The following CYB5R3 variants were observed in gnomAD, a reference collection of about 807,000 sequenced individuals.
The protein encoded by CYB5R3 is NADH-cytochrome b5 reductase 3.
In CYB5R3, 28 loss-of-function variants were observed where a neutral mutation model predicts 36.5. That is an observed-to-expected ratio of 0.77 (90% CI 0.57 to 1.05). CYB5R3 has a LOEUF of 1.05. CYB5R3 is among the 50% of genes least tolerant of loss of function. The pLI, the probability that CYB5R3 is intolerant of heterozygous loss-of-function variation, is 0.00. For synonymous variants in CYB5R3, 181 were observed against 159.8 expected (o/e 1.13, Z -1.00); for missense variants, 474 against 408.9 (o/e 1.16, Z -1.37).
At chr22:42,649,223 A>G in intron 1 of CYB5R3, 72 bp downstream of exon 1, 1 of 650,784 alleles carries the variant, frequency 1.5e-6, no homozygotes, top group Non-Finnish European at 2.0e-6. Context: ...CCCGCAGGCC[A>G]GCCCGCCCCC....
intron 1 of CYB5R3, among the ~76,000 whole-genome samples, chr22:42,638,819 G>A (rs1462068831): frequency 6.6e-6 from 1 of 150,804 alleles, no homozygotes. Context: ...GATCATCTGA[G>A]GTCAGGAGTT....
intron 4 of CYB5R3, 130 bp downstream of exon 4, chr22:42,630,752 G>A (rs368895002): frequency 5.1e-6 from 4 of 782,754 alleles, no homozygotes; most frequent in Non-Finnish European, 4.4e-6. Flanking sequence ...TGAGGAAGTG[G>A]GGCAGCCATG....
intron 7 of CYB5R3, among the ~76,000 whole-genome samples, chr22:42,624,597 G>A (rs1483258236): frequency 1.8e-4 from 7 of 39,256 alleles, no homozygotes; most frequent in South Asian, 6.3e-4. Context: ...CCGACTCCCC[G>A]CCCCCCACCC....
intron 1 of CYB5R3, chr22:42,638,986 A>G: frequency 2.5e-6 from 1 of 404,716 alleles, no homozygotes; most frequent in South Asian, 1.8e-5. Context: ...GTGAGCCGAG[A>G]TCGTGCCATT....
Position 42,626,089 on chromosome 22 carries a change from A to G in CYB5R3, c.633+1215T>C, listed in dbSNP as rs148186280. On this transcript the variant is annotated intron_variant, in intron 7 of 8. Coordinates refer to ENST00000352397, the MANE Select transcript of CYB5R3 (RefSeq NM_000398.7). ...TTTGGGAGGCTGAGGCGGGTGGATC[A>G]CCTGAGGTCAGGAGTTCGAGACCAG... is the stretch of plus-strand genomic sequence containing the variant. Among the ~76,000 whole-genome samples the G allele has an allele frequency of 9.6e-3, 1,462 of 152,314 alleles. 26 individuals carry two copies. The highest frequency in any genetic ancestry group is 0.033 in the African/African-American group (1,358 of 41,562).
At chr22:42,625,137 A>G (rs1458988034) in intron 7 of CYB5R3, among the ~76,000 whole-genome samples, 1 of 152,178 alleles carries the variant, frequency 6.6e-6, no homozygotes, top group Admixed American at 6.5e-5. Context: ...AAAGTACCTG[A>G]AACCCTTCAG....
At chr22:42,644,359 A>G in intron 1 of CYB5R3, 1 of 702,634 alleles carries the variant, frequency 1.4e-6, no homozygotes, top group Non-Finnish European at 2.6e-6. Context: ...ACCTGAAGGC[A>G]CCCTCTCTAT....
intron 1 of CYB5R3, among the ~76,000 whole-genome samples, chr22:42,643,727 C>G (rs1405268236): frequency 7.9e-5 from 12 of 152,144 alleles, no homozygotes. Flanking sequence ...TCACTCATCC[C>G]AGGCCTCCTT....
At chr22:42,642,154 C>A (rs531076967) in intron 1 of CYB5R3, among the ~76,000 whole-genome samples, 40 of 151,368 alleles carry the variant, frequency 2.6e-4, no homozygotes, top group African/African-American at 9.7e-4. Flanking sequence ...CTCTATCACC[C>A]AGGCTGGAAT....
At chr22:42,640,558 T>C in intron 1 of CYB5R3, 1 of 168,338 alleles carries the variant, frequency 5.9e-6, no homozygotes, top group East Asian at 1.6e-4. Flanking sequence ...TTTGTACTTT[T>C]AGTAGAGACA....
At chr22:42,639,411 T>C (rs866419572) in intron 1 of CYB5R3, among the ~76,000 whole-genome samples, 9 of 151,654 alleles carry the variant, frequency 5.9e-5, no homozygotes, top group Middle Eastern at 3.5e-3. Flanking sequence ...GTGAATCACC[T>C]GAGGTCAGGA....
At chr22:42,631,610 T>G (rs1928626156) in intron 2 of CYB5R3, 160 bp from the exon 3 acceptor site, 1 of 685,976 alleles carries the variant, frequency 1.5e-6, no homozygotes, top group Non-Finnish European at 2.6e-6. Flanking sequence ...CAAGCACAGA[T>G]GCACACACAT....
intron 2 of CYB5R3, among the ~76,000 whole-genome samples, chr22:42,636,463 T>A (rs1346055108): frequency 6.6e-6 from 1 of 152,194 alleles, no homozygotes; most frequent in Middle Eastern, 3.4e-3. Context: ...TTCTGAGGGG[T>A]TCCTTCCATT....
At chr22:42,629,145 G>GA (rs1374079170) in intron 4 of CYB5R3, among the ~76,000 whole-genome samples, 1 of 152,130 alleles carries the variant, frequency 6.6e-6, no homozygotes, top group Admixed American at 6.5e-5. Flanking sequence ...TTTGGCCAGA[G>GA]AGACTTCAAC....
intron 4 of CYB5R3, among the ~76,000 whole-genome samples, chr22:42,628,813 G>C (rs1043596186): frequency 4.6e-5 from 7 of 152,198 alleles, no homozygotes; most frequent in Non-Finnish European, 1.0e-4. Context: ...GACAGAGGAG[G>C]AGCGGCTCAC....
At chr22:42,625,402 G>A (rs919215166) in intron 7 of CYB5R3, among the ~76,000 whole-genome samples, 3 of 152,108 alleles carry the variant, frequency 2.0e-5, no homozygotes, top group African/African-American at 4.8e-5. Context: ...CAGCTACTCA[G>A]GTAGCTGAGG....
rs768704691 is a variant in CYB5R3 at position 42,623,994 on chromosome 22, G to A, written c.634-106C>T. The A allele has an allele frequency of 9.8e-5, 92 of 936,774 alleles. 1 individual carries two copies. The highest frequency in any genetic ancestry group is 2.8e-4 in the South Asian group (21 of 73,876). The allele number at this position is 936,774 out of a possible 1,614,324, so 58.0% of individuals were successfully genotyped here. A position where few individuals can be genotyped will look rare whatever the true frequency, so the allele number is the denominator to read the frequency against. Reference sequence around the variant, plus strand: ...CATCGCGCCCGCCTGCGGGCCACACGCTTGCGGAGCTTTCAGGAGGGGACT... The same window carrying A: ...CATCGCGCCCGCCTGCGGGCCACACACTTGCGGAGCTTTCAGGAGGGGACT... On this transcript the variant is annotated intron_variant, in intron 7 of 8. Transcript: ENST00000352397.
At chr22:42,643,448 C>T (rs1365119997) in intron 1 of CYB5R3, among the ~76,000 whole-genome samples, 1 of 135,408 alleles carries the variant, frequency 7.4e-6, no homozygotes. Flanking sequence ...CCCCCGCCCC[C>T]CCACCCCCCA....
At chr22:42,624,104 C>A (rs1295007039) in intron 7 of CYB5R3, among the ~76,000 whole-genome samples, 3 of 152,208 alleles carry the variant, frequency 2.0e-5, no homozygotes, top group Non-Finnish European at 1.5e-5. Context: ...CGAAGGCGTT[C>A]GCTAGAAACT....
Sources: gnomAD v4.1 joint callset for allele counts (sites outside exome capture counted in the v4.1 genomes callset) on GRCh38, gnomAD v4.1.1 for gene constraint, MANE v1.5 for transcripts, NCBI Gene and HGNC (gene_info 2026-07-23, HGNC 2026-07-21) for gene names.